Variants in PAPSS1 observed in about 807,000 individuals in gnomAD.
PAPSS1 encodes bifunctional 3'-phosphoadenosine 5'-phosphosulfate synthase 1.
PAPSS1 carries 50 observed loss-of-function variants against 72.0 expected under a neutral mutation model. The ratio of observed to expected loss-of-function variants is 0.69; its 90% CI spans 0.55 to 0.88. PAPSS1 has a LOEUF of 0.88. Among genes scored for constraint, PAPSS1 ranks in the 40% least tolerant of loss-of-function variants. The pLI, the probability that PAPSS1 is intolerant of heterozygous loss-of-function variation, is 0.00. For synonymous variants in PAPSS1, 261 were observed against 263.6 expected, an observed-to-expected ratio of 0.99 and a Z score of 0.09; for missense variants, 657 against 782.2, an observed-to-expected ratio of 0.84 and a Z score of 1.91.
Position 107,650,459 on chromosome 4 carries a change from A to G in PAPSS1, c.1237+3032T>C, listed in dbSNP as rs546607826. ...GTAATATGAAAGTCCCTAATTATGA[A>G]TAAGTCCTTGATAAGACCCTTTCAA... is the stretch of plus-strand genomic sequence containing the variant. On this transcript the variant is annotated intron_variant, in intron 9 of 11. Coordinates refer to ENST00000265174, the MANE Select transcript of PAPSS1 (RefSeq NM_005443.5). Among the ~76,000 whole-genome samples, 109 of 152,360 alleles carry G rather than the reference A, an allele frequency of 7.2e-4. 2 individuals are homozygous for G. In the South Asian group the frequency reaches 0.022, roughly 31 times the overall value.
chr4:107,617,297 T>A (rs146344425), intron 11 of PAPSS1, among the ~76,000 whole-genome samples: 81 of 150,252 alleles, frequency 5.4e-4, no homozygotes, highest in African/African-American at 1.9e-3. Flanking sequence ...GTTCTTACAA[T>A]CAACTTGACA....
At chr4:107,701,495 G>A (rs1046783654) in intron 1 of PAPSS1, among the ~76,000 whole-genome samples, 1 of 151,844 alleles carries the variant, frequency 6.6e-6, no homozygotes, top group Non-Finnish European at 1.5e-5. Context: ...CAATGACATA[G>A]GTACTCTTAC....
chr4:107,710,521 CGAAGG>C (rs1314270931), intron 1 of PAPSS1, among the ~76,000 whole-genome samples: 3 of 48,980 alleles, frequency 6.1e-5, no homozygotes, highest in Non-Finnish European at 3.4e-4. Flanking sequence ...TGCTGGGGTC[CGAAGG>C]GAGTAAGTGG....
Position 107,700,868 on chromosome 4 carries a change from T to C in PAPSS1, c.175+303A>G, listed in dbSNP as rs527968975. On this transcript the variant is annotated intron_variant, in intron 2 of 11. Transcript: ENST00000265174. The stretch of plus-strand genomic sequence containing the variant: ...ATAGACTAAGACGTATGGTTTTCAC[T>C]GTTAGCTTCTCAGAGCAGAATCCAG... Among the ~76,000 whole-genome samples, 6 of 152,344 alleles carry C rather than the reference T, an allele frequency of 3.9e-5. No individual in the cohort carries two copies. The East Asian group carries it at 9.6e-4, about 24-fold the overall frequency.
At chr4:107,663,356 C>T (rs988428264) in intron 5 of PAPSS1, among the ~76,000 whole-genome samples, 4 of 152,136 alleles carry the variant, frequency 2.6e-5, no homozygotes, top group Non-Finnish European at 5.9e-5. Flanking sequence ...CATCTTACAA[C>T]GTGTCTCCCC....
At chr4:107,636,480 T>C (rs1027686609) in intron 10 of PAPSS1, among the ~76,000 whole-genome samples, 2 of 152,148 alleles carry the variant, frequency 1.3e-5, no homozygotes, top group African/African-American at 4.8e-5. Context: ...TGAATTCGCT[T>C]ACTAGTGAAA....
intron 5 of PAPSS1, among the ~76,000 whole-genome samples, chr4:107,671,179 G>A (rs919136754): frequency 4.0e-5 from 6 of 151,804 alleles, no homozygotes; most frequent in South Asian, 2.1e-4. Context: ...AATACAGTGC[G>A]GAATCCTGGA....
intron 3 of PAPSS1, among the ~76,000 whole-genome samples, chr4:107,690,771 T>C (rs1578424957): frequency 6.6e-6 from 1 of 152,186 alleles, no homozygotes; most frequent in Non-Finnish European, 1.5e-5. Context: ...AGTGCTTTTA[T>C]AGATGAGGTC....
intron 9 of PAPSS1, among the ~76,000 whole-genome samples, chr4:107,650,410 C>T (rs1560572308): frequency 7.1e-6 from 1 of 141,248 alleles, no homozygotes; most frequent in Non-Finnish European, 1.6e-5. Flanking sequence ...ATGTTTGGCT[C>T]ACAAAGAAGA....
intron 2 of PAPSS1, 132 bp downstream of exon 2, chr4:107,701,039 C>T (rs1309312511): frequency 2.7e-5 from 12 of 443,154 alleles, no homozygotes; most frequent in Non-Finnish European, 4.8e-5. Context: ...TATTAAGCAA[C>T]TATGTCAGTT....
intron 10 of PAPSS1, among the ~76,000 whole-genome samples, chr4:107,636,675 T>C (rs543973459): frequency 1.4e-4 from 22 of 152,240 alleles, no homozygotes; most frequent in African/African-American, 5.1e-4. Context: ...CACACTGCCT[T>C]GTTCGAGAAA....
At chr4:107,657,949 T>C (rs542901235) in intron 6 of PAPSS1, among the ~76,000 whole-genome samples, 3 of 152,118 alleles carry the variant, frequency 2.0e-5, no homozygotes, top group Non-Finnish European at 2.9e-5. Context: ...ACACAGCTTA[T>C]GGTCTCCAAA....
chr4:107,632,540 C>T lies in PAPSS1; in HGVS notation c.1507-680G>A, dbSNP rs530965349. 1.0e-3 allele frequency among the ~76,000 whole-genome samples: 152 copies of T among 150,964 alleles called. 1 individual carries two copies. Among genetic ancestry groups the T allele is most frequent in the African/African-American group, 3.3e-3 (137 of 41,144 alleles). On this transcript the variant is annotated intron_variant, in intron 10 of 11. Transcript: ENST00000265174. ...AAAAAAAAGATTGGTTGTGAGTAAACGGCCATGCTGCATCCAAAACTAGCC... is the reference window on the plus strand; with the variant it reads ...AAAAAAAAGATTGGTTGTGAGTAAATGGCCATGCTGCATCCAAAACTAGCC...
intron 5 of PAPSS1, among the ~76,000 whole-genome samples, chr4:107,678,180 G>A (rs533813174): frequency 5.3e-5 from 8 of 149,724 alleles, no homozygotes; most frequent in South Asian, 2.1e-4. Context: ...AAAACTTAAC[G>A]TATAAAAAAG....
At chr4:107,712,908 T>C (rs1054989948) in intron 1 of PAPSS1, among the ~76,000 whole-genome samples, 1 of 148,836 alleles carries the variant, frequency 6.7e-6, no homozygotes, top group East Asian at 2.0e-4. Context: ...TTATTATCCA[T>C]ACAATGGGAT....
At chr4:107,629,554 A>T (rs1726180189) in intron 11 of PAPSS1, among the ~76,000 whole-genome samples, 1 of 152,202 alleles carries the variant, frequency 6.6e-6, no homozygotes, top group South Asian at 2.1e-4. Context: ...ACAAGAGCAA[A>T]GCTTTCAATG....
chr4:107,653,732 A>AG, intron 8 of PAPSS1, 106 bp from the exon 9 acceptor site: 4 of 763,700 alleles, frequency 5.2e-6, no homozygotes, highest in Non-Finnish European at 7.8e-6. Context: ...TCTCATCTTA[A>AG]ATGAGGTAAA....
At position 107,659,982 on chromosome 4, in the gene PAPSS1, A is replaced by T; in HGVS notation, c.760T>A (p.Leu254Ile). 6.3e-7 allele frequency: 1 copy of T among 1,599,458 alleles called. No individual in the cohort carries two copies. Among genetic ancestry groups the T allele is most frequent in the South Asian group, 1.1e-5 (1 of 89,892 alleles). ...LHLAKTDAETLPALKINKVDM... is the reference protein window; with the variant it reads ...LHLAKTDAETIPALKINKVDM... ...ACTTTATTAATTTTCAGTGCTGGTA[A>T]TGTTTCCGCATCTGTTTTTGCCAAA... The change falls in exon 6 of 12, where the codon TTA becomes ATA. Residue 254 changes from leucine (L) to isoleucine (I), a missense_variant. By Grantham distance (5) the Leu-to-Ile change is conservative. Around this residue, in one of 7 missense-constraint regions of PAPSS1, gnomAD observed 190 missense variants for 176.7 expected, o/e 1.07. Coordinates refer to ENST00000265174, the MANE Select transcript of PAPSS1 (RefSeq NM_005443.5).
intron 8 of PAPSS1, 130 bp downstream of exon 8, chr4:107,654,565 C>G (rs1726942137): frequency 1.3e-6 from 1 of 745,204 alleles, no homozygotes; most frequent in Non-Finnish European, 2.3e-6. Context: ...TCACAATAAT[C>G]TAAGGTCCAA....
Sources: gnomAD v4.1 joint callset for allele counts (sites outside exome capture counted in the v4.1 genomes callset) on GRCh38, gnomAD v4.1.1 for gene constraint, gnomAD v4.1.1 regional missense constraint, MANE v1.5 for transcripts, NCBI Gene and HGNC (gene_info 2026-07-23, HGNC 2026-07-21) for gene names.